GRIP1: variants seen among roughly 807,000 people sequenced by gnomAD.
The protein encoded by GRIP1 is glutamate receptor interacting protein 1, also known as glutamate receptor-interacting protein 1.
In GRIP1, 45 loss-of-function variants were observed where a neutral mutation model predicts 129.9. The ratio of observed to expected loss-of-function variants is 0.35; its 90% CI spans 0.27 to 0.44. GRIP1 has a LOEUF of 0.44. Among genes scored for constraint, GRIP1 ranks in the 20% least tolerant of loss-of-function variants. The pLI is 1.00. For synonymous variants in GRIP1, 530 were observed against 520.8 expected, an observed-to-expected ratio of 1.02 and a Z score of -0.24; for missense variants, 1,196 against 1,396.8, an observed-to-expected ratio of 0.86 and a Z score of 2.29.
chr12:66,569,571 G>A (rs1162075840), intron 2 of GRIP1, among the ~76,000 whole-genome samples: 1 of 152,180 alleles, frequency 6.6e-6, no homozygotes, highest in Non-Finnish European at 1.5e-5. Flanking sequence ...AGGAGGCAAG[G>A]AAAGTGTGAC....
At chr12:66,613,912 A>T (rs11176319) in intron 1 of GRIP1, among the ~76,000 whole-genome samples, 3,193 of 152,284 alleles carry the variant, frequency 0.021, 114 homozygotes, top group African/African-American at 0.072. Flanking sequence ...TCCACTTGGA[A>T]ATCATGTTTG....
chr12:66,537,946 C>A (rs1000199815), intron 4 of GRIP1, among the ~76,000 whole-genome samples: 1 of 152,214 alleles, frequency 6.6e-6, no homozygotes, highest in African/African-American at 2.4e-5. Flanking sequence ...AGCAATTCCT[C>A]CTTATCTGCA....
chr12:66,613,720 C>A (rs1418759958), intron 1 of GRIP1, among the ~76,000 whole-genome samples: 1 of 152,112 alleles, frequency 6.6e-6, no homozygotes, highest in Non-Finnish European at 1.5e-5. Context: ...GAAGAGAGTT[C>A]TGTTTGGAGA....
At chr12:66,578,291 T>C (rs2063219651) in intron 2 of GRIP1, among the ~76,000 whole-genome samples, 2 of 121,416 alleles carry the variant, frequency 1.6e-5, no homozygotes, top group Admixed American at 2.1e-4. Context: ...GATGGCCAAA[T>C]AGGAACAGCT....
At chr12:66,766,266 C>T (rs983660372) in intron 1 of GRIP1, among the ~76,000 whole-genome samples, 1 of 152,154 alleles carries the variant, frequency 6.6e-6, no homozygotes, top group Non-Finnish European at 1.5e-5. Context: ...TCTGGGGAGT[C>T]AGAAGTCCTT....
At chr12:66,808,163 T>G (rs895266485), upstream of GRIP1, among the ~76,000 whole-genome samples, 7 of 152,114 alleles carry the variant, frequency 4.6e-5, no homozygotes, top group African/African-American at 9.7e-5. Flanking sequence ...TATTTATCAG[T>G]TATTGCACTC....
chr12:66,705,958 G>A (rs2136375300), intron 1 of GRIP1, among the ~76,000 whole-genome samples: 1 of 152,226 alleles, frequency 6.6e-6, no homozygotes, highest in African/African-American at 2.4e-5. Flanking sequence ...AACCCTAGAA[G>A]AAAACCTAGG....
At chr12:66,410,046 C>T (rs1476266049) in intron 15 of GRIP1, among the ~76,000 whole-genome samples, 9 of 149,858 alleles carry the variant, frequency 6.0e-5, no homozygotes, top group African/African-American at 9.8e-5. Context: ...GTCAGGAGAT[C>T]GAGACCATCC....
At chr12:66,953,012 T>C (rs1247487627) in intron 1 of GRIP1, among the ~76,000 whole-genome samples, 1 of 152,230 alleles carries the variant, frequency 6.6e-6, no homozygotes, top group Admixed American at 6.5e-5. Context: ...TTGTTGTGTA[T>C]AGCTGCAACC....
At chr12:66,756,862 CAG>C (rs2037305496) in intron 1 of GRIP1, among the ~76,000 whole-genome samples, 1 of 152,176 alleles carries the variant, frequency 6.6e-6, no homozygotes. Context: ...CTTCTGCCTT[CAG>C]AGACTGCCAC....
chr12:66,728,432 A>T (rs1287436137), intron 1 of GRIP1, among the ~76,000 whole-genome samples: 2 of 152,170 alleles, frequency 1.3e-5, no homozygotes, highest in Non-Finnish European at 2.9e-5. Flanking sequence ...GCCAAACTCT[A>T]AGATGGCCTC....
intron 1 of GRIP1, among the ~76,000 whole-genome samples, chr12:67,059,313 G>A (rs1480281071): frequency 6.6e-6 from 1 of 152,176 alleles, no homozygotes; most frequent in African/African-American, 2.4e-5. Context: ...ACAATGGTGA[G>A]GTCCAGGAAG....
intron 1 of GRIP1, among the ~76,000 whole-genome samples, chr12:66,925,896 G>A (rs534703324): frequency 5.3e-5 from 8 of 152,182 alleles, no homozygotes; most frequent in African/African-American, 9.6e-5. Flanking sequence ...CACCCACCCC[G>A]GCCTTCCAAA....
chr12:66,894,105 C>T (rs926835334), intron 1 of GRIP1, among the ~76,000 whole-genome samples: 4 of 152,230 alleles, frequency 2.6e-5, no homozygotes, highest in Non-Finnish European at 5.9e-5. Flanking sequence ...CTTGCTTCCT[C>T]ATCCATAAGG....
intron 1 of GRIP1, among the ~76,000 whole-genome samples, chr12:66,696,804 C>CAAAAAAAAAAAAAAA (rs35445606): frequency 1.9e-5 from 2 of 103,714 alleles, no homozygotes; most frequent in African/African-American, 8.1e-5. Context: ...GACTCTGTCT[C>CAAAAAAAAAAAAAAA]AAAAAAAAAA....
intron 1 of GRIP1, among the ~76,000 whole-genome samples, chr12:66,901,742 G>A (rs1193065902): frequency 4.6e-5 from 7 of 152,118 alleles, no homozygotes; most frequent in East Asian, 1.9e-4. Flanking sequence ...TCTCATATCC[G>A]GTCTGAGGGA....
At chr12:66,797,607 AC>A (rs1209459220) in intron 1 of GRIP1, among the ~76,000 whole-genome samples, 1 of 152,212 alleles carries the variant, frequency 6.6e-6, no homozygotes, top group African/African-American at 2.4e-5. Context: ...GGCATTTATT[AC>A]TATCAAATGA....
chr12:66,548,507 T>C (rs913026188), intron 2 of GRIP1, among the ~76,000 whole-genome samples: 1 of 152,108 alleles, frequency 6.6e-6, no homozygotes, highest in African/African-American at 2.4e-5. Context: ...TAGAGACCCA[T>C]GCAATGGGGG....
intron 7 of GRIP1, among the ~76,000 whole-genome samples, chr12:66,503,324 C>T (rs1223871884): frequency 1.3e-5 from 2 of 151,990 alleles, no homozygotes; most frequent in African/African-American, 2.4e-5. Context: ...ATGCATACAA[C>T]TTCCTAAACA....
Sources: allele counts gnomAD v4.1 joint callset (sites outside exome capture counted in the v4.1 genomes callset), GRCh38; gene constraint gnomAD v4.1.1; transcripts MANE v1.5; gene names NCBI Gene and HGNC (gene_info 2026-07-23, HGNC 2026-07-21).